The following RBMS1 variants were observed in gnomAD, a reference collection of about 807,000 sequenced individuals.
RBMS1 encodes the protein RNA binding motif single stranded interacting protein 1, also known as RNA-binding motif, single-stranded-interacting protein 1.
In RBMS1, 17 loss-of-function variants were observed where a neutral mutation model predicts 62.3. The ratio of observed to expected loss-of-function variants is 0.27; its 90% CI spans 0.19 to 0.41. RBMS1 has a LOEUF of 0.41. Ranked by LOEUF, RBMS1 falls within the 10% of genes least tolerant of loss-of-function variation. The pLI is 1.00. For synonymous variants in RBMS1, 172 were observed against 170.0 expected (o/e 1.01, Z -0.09); for missense variants, 334 against 504.5 (o/e 0.66, Z 3.24).
intron 1 of RBMS1, among the ~76,000 whole-genome samples, chr2:160,401,628 A>G (rs75490053): frequency 0.012 from 1,836 of 152,346 alleles, 20 homozygotes; most frequent in East Asian, 0.022. Context: ...TGCAAAGACG[A>G]TATCTTTGAA....
At chr2:160,468,775 T>A (rs7423719) in intron 1 of RBMS1, among the ~76,000 whole-genome samples, 35,452 of 152,154 alleles carry the variant, frequency 0.23, 4,808 homozygotes, top group Admixed American at 0.39. Context: ...TAATTCAACT[T>A]TGAAAAGTGA....
At chr2:160,480,135 ATAAGGGATG>A (rs1685306346) in intron 1 of RBMS1, among the ~76,000 whole-genome samples, 1 of 152,188 alleles carries the variant, frequency 6.6e-6, no homozygotes, top group Admixed American at 6.5e-5. Context: ...TTAAAAAATC[ATAAGGGATG>A]TCAGAAAATC....
intron 1 of RBMS1, among the ~76,000 whole-genome samples, chr2:160,446,621 C>G (rs753733468): frequency 6.6e-6 from 1 of 152,112 alleles, no homozygotes; most frequent in Non-Finnish European, 1.5e-5. Context: ...CTTTGGAAAC[C>G]GTGTATGTGA....
In RBMS1 at chr2:160,394,129, T is replaced by C. The variant is rs78171618; in HGVS notation, c.76-26738A>G. Among the ~76,000 whole-genome samples, 27 of 152,348 alleles carry C rather than the reference T, an allele frequency of 1.8e-4. 1 individual carries two copies. In the East Asian group the frequency reaches 5.2e-3, roughly 29 times the overall value. On this transcript the variant is annotated intron_variant, in intron 1 of 13. Coordinates refer to ENST00000348849, the MANE Select transcript of RBMS1 (RefSeq NM_016836.4). The stretch of plus-strand genomic sequence containing the variant: ...CTTCCACCCACTTTTCGTTGGACTA[T>C]GCAACTAAGAACCTTAATATAGATT...
At chr2:160,384,741 G>C (rs912600771) in intron 1 of RBMS1, among the ~76,000 whole-genome samples, 2 of 152,090 alleles carry the variant, frequency 1.3e-5, no homozygotes, top group Non-Finnish European at 2.9e-5. Flanking sequence ...ATAAACTGTC[G>C]GGCTTGTAAG....
At chr2:160,426,367 GA>G (rs972026219) in intron 1 of RBMS1, among the ~76,000 whole-genome samples, 1 of 150,822 alleles carries the variant, frequency 6.6e-6, no homozygotes, top group African/African-American at 2.4e-5. Context: ...AGGAGAGAGG[GA>G]AAAAAAGAAA....
chr2:160,381,095 T>G (rs1343953150), intron 1 of RBMS1, among the ~76,000 whole-genome samples: 2 of 152,208 alleles, frequency 1.3e-5, no homozygotes, highest in East Asian at 1.9e-4. Context: ...AAACTTGGTC[T>G]GCCTTATAGA....
rs117973538 is a variant in RBMS1, at chr2:160,380,425, G to A, written c.76-13034C>T. ...CATTCTAGGTGTGGCCTGCAGCTAC[G>A]CCAGGACCTCAAAGCGAAGTAAACA... On this transcript the variant is annotated intron_variant, in intron 1 of 13. Transcript: ENST00000348849. Among the ~76,000 whole-genome samples, 292 of 152,250 alleles carry A rather than the reference G, an allele frequency of 1.9e-3. 7 individuals are homozygous for A. In the East Asian group the frequency reaches 0.051, roughly 26 times the overall value.
At position 160,339,701 on chromosome 2, in the gene RBMS1, A is replaced by AAT. The variant is rs5835801; in HGVS notation, c.252-21476_252-21475dup. ...ACGTGTGTGTGAGAGATGCAATTAA[A>AAT]ATATATATATATATACACACACATA... On this transcript the variant is annotated intron_variant, in intron 2 of 13. Coordinates refer to ENST00000348849, the MANE Select transcript of RBMS1 (RefSeq NM_016836.4). Among the ~76,000 whole-genome samples the AAT allele has an allele frequency of 4.3e-4, 65 of 151,492 alleles. 1 individual carries two copies. Among genetic ancestry groups the AAT allele is most frequent in the East Asian group, 3.9e-3 (20 of 5,148 alleles).
At chr2:160,489,665 G>A (rs1361088269) in intron 1 of RBMS1, among the ~76,000 whole-genome samples, 12 of 152,104 alleles carry the variant, frequency 7.9e-5, no homozygotes, top group South Asian at 2.1e-4. Flanking sequence ...TGTCATAAGC[G>A]TATGTAAAAA....
intron 1 of RBMS1, among the ~76,000 whole-genome samples, chr2:160,450,585 A>C (rs1341365644): frequency 6.6e-6 from 1 of 151,008 alleles, no homozygotes; most frequent in East Asian, 1.9e-4. Flanking sequence ...AAAAACAAAA[A>C]ACATTAACCC....
At chr2:160,443,865 CTACTT>C (rs1322450003) in intron 1 of RBMS1, among the ~76,000 whole-genome samples, 1 of 152,180 alleles carries the variant, frequency 6.6e-6, no homozygotes, top group African/African-American at 2.4e-5. Context: ...TTAGGCCACT[CTACTT>C]TACTTGTAGA....
intron 1 of RBMS1, among the ~76,000 whole-genome samples, chr2:160,469,298 C>G (rs1395805112): frequency 6.6e-6 from 1 of 152,168 alleles, no homozygotes; most frequent in Non-Finnish European, 1.5e-5. Context: ...TAACTCAAAC[C>G]AGCGTCCTGT....
intron 1 of RBMS1, among the ~76,000 whole-genome samples, chr2:160,403,016 T>C (rs2105234978): frequency 6.6e-6 from 1 of 152,160 alleles, no homozygotes; most frequent in East Asian, 1.9e-4. Context: ...TAAGGAAAAG[T>C]AAAAAACTAG....
At chr2:160,355,059 G>C (rs1318370571) in intron 2 of RBMS1, among the ~76,000 whole-genome samples, 1 of 152,046 alleles carries the variant, frequency 6.6e-6, no homozygotes, top group African/African-American at 2.4e-5. Context: ...TTCTAATCAA[G>C]GGAGTTGCAA....
At chr2:160,367,737 A>C (rs1693488679) in intron 1 of RBMS1, among the ~76,000 whole-genome samples, 1 of 152,228 alleles carries the variant, frequency 6.6e-6, no homozygotes, top group Admixed American at 6.5e-5. Context: ...TTTAGAAATC[A>C]CTAGACTTTT....
At chr2:160,390,300 A>G (rs1450708645) in intron 1 of RBMS1, among the ~76,000 whole-genome samples, 1 of 152,238 alleles carries the variant, frequency 6.6e-6, no homozygotes, top group Non-Finnish European at 1.5e-5. Flanking sequence ...AACTTAAAGA[A>G]GAGAGGGACA....
At chr2:160,403,790 T>A (rs572044466) in intron 1 of RBMS1, among the ~76,000 whole-genome samples, 3 of 152,268 alleles carry the variant, frequency 2.0e-5, no homozygotes, top group African/African-American at 7.2e-5. Flanking sequence ...CATGCCACGA[T>A]GTGCAGAAAC....
At chr2:160,348,225 A>G (rs1350848603) in intron 2 of RBMS1, among the ~76,000 whole-genome samples, 1 of 152,114 alleles carries the variant, frequency 6.6e-6, no homozygotes, top group African/African-American at 2.4e-5. Flanking sequence ...ATGCTCCCCA[A>G]CAAGGTATTT....
Sources: allele counts gnomAD v4.1 joint callset (sites outside exome capture counted in the v4.1 genomes callset), GRCh38; gene constraint gnomAD v4.1.1; transcripts MANE v1.5; gene names NCBI Gene and HGNC (gene_info 2026-07-23, HGNC 2026-07-21).